Variants in RAP1GAP observed in about 807,000 individuals in gnomAD.
The protein encoded by RAP1GAP is rap1 GTPase-activating protein 1.
RAP1GAP carries 35 observed loss-of-function variants against 87.2 expected under a neutral mutation model. The observed-to-expected ratio is 0.40, with a 90% CI of 0.31 to 0.53. The LOEUF (loss-of-function observed/expected upper bound fraction) is 0.53, where lower values mean the gene tolerates loss of function less well. Ranked by LOEUF, RAP1GAP falls within the 20% of genes least tolerant of loss-of-function variation. The pLI, the probability that RAP1GAP is intolerant of heterozygous loss-of-function variation, is 0.48. For synonymous variants in RAP1GAP, 375 were observed against 363.9 expected, an observed-to-expected ratio of 1.03 and a Z score of -0.35; for missense variants, 734 against 898.9, an observed-to-expected ratio of 0.82 and a Z score of 2.35.
rs2088147022 is a variant in RAP1GAP, at chr1:21,622,019, G to C, written c.-18-1969C>G. 6.6e-6 allele frequency among the ~76,000 whole-genome samples: 1 copy of C among 152,148 alleles called. No homozygotes were observed. Among genetic ancestry groups the C allele is most frequent in the Admixed American group, 6.5e-5 (1 of 15,278 alleles). On this transcript the variant is annotated intron_variant, in intron 3 of 24. Transcript: ENST00000374765. This position sits in a 1 kb window ranked among gnomAD's most constrained non-coding sequence, Gnocchi z 5.7. ...CACATGAAAGCACCACCACAAAGTG[G>C]CCCTGGAGCATTCAGAGCCCCCCAA... is the stretch of plus-strand genomic sequence containing the variant.
chr1:21,626,198 C>T (rs2150254349), intron 3 of RAP1GAP, 106 bp downstream of exon 3: 2 of 1,044,592 alleles, frequency 1.9e-6, no homozygotes, highest in Non-Finnish European at 2.9e-6. Flanking sequence ...TCTGCCTGAA[C>T]ATTTTACCTT....
chr1:21,667,879 C>T (rs1401178140), intron 1 of RAP1GAP, among the ~76,000 whole-genome samples: 1 of 152,202 alleles, frequency 6.6e-6, no homozygotes, highest in Non-Finnish European at 1.5e-5. Context: ...CCCTGGAACC[C>T]TTCCCAAGGC....
chr1:21,648,762 CAGG>C (rs1334375047), intron 2 of RAP1GAP, among the ~76,000 whole-genome samples: 1 of 152,186 alleles, frequency 6.6e-6, no homozygotes, highest in Non-Finnish European at 1.5e-5. Context: ...GGCACAGCAG[CAGG>C]AGATGATGCC....
chr1:21,636,914 A>G (rs867356333), intron 2 of RAP1GAP, among the ~76,000 whole-genome samples: 45 of 102,486 alleles, frequency 4.4e-4, no homozygotes, highest in East Asian at 2.0e-3. Context: ...GGAAGGAAGG[A>G]AGGGAGGGAG....
intron 1 of RAP1GAP, among the ~76,000 whole-genome samples, chr1:21,660,126 A>G (rs1048556439): frequency 1.3e-5 from 2 of 150,958 alleles, no homozygotes; most frequent in African/African-American, 4.9e-5. Flanking sequence ...GAGGAACCCA[A>G]TCTCCCCATC....
In RAP1GAP at chr1:21,669,148, C is replaced by T; in HGVS notation, c.-149+106G>A. ...CCCCCACGCGTTCGCCCCCACCCTCCGTCCCCGCCCGCCCGCGCGGGGTCT... is the reference window on the plus strand; with the variant it reads ...CCCCCACGCGTTCGCCCCCACCCTCTGTCCCCGCCCGCCCGCGCGGGGTCT... On this transcript the variant is annotated intron_variant, in intron 1 of 24. Coordinates refer to ENST00000374765, the MANE Select transcript of RAP1GAP (RefSeq NM_002885.4). This position sits in a 1 kb window ranked among gnomAD's most constrained non-coding sequence, Gnocchi z 5.6. The T allele has an allele frequency of 8.6e-7, 1 of 1,157,546 alleles. No homozygotes were observed. The highest frequency in any genetic ancestry group is 1.1e-6 in the Non-Finnish European group (1 of 920,606). The allele number at this position is 1,157,546 out of a possible 1,614,324, so 71.7% of individuals were successfully genotyped here.
At position 21,603,510 on chromosome 1, in the gene RAP1GAP, G is replaced by A. The variant is rs532220380; in HGVS notation, c.1429-597C>T. ...AGTCAGGGCAGAGGAGAGGGATGGC[G>A]CTCCATGCAGACCGGCGATATTGGG... On this transcript the variant is annotated intron_variant, in intron 18 of 24. Coordinates refer to ENST00000374765, the MANE Select transcript of RAP1GAP (RefSeq NM_002885.4). This position sits in a 1 kb window ranked among gnomAD's most constrained non-coding sequence, Gnocchi z 6.0. The A allele has an allele frequency of 2.3e-5, 14 of 599,936 alleles. No homozygotes were observed. Among genetic ancestry groups the A allele is most frequent in the African/African-American group, 3.7e-5 (2 of 54,066 alleles). 37.2% of individuals were successfully genotyped at this position (599,936 alleles called of 1,614,324 possible). A position where few individuals can be genotyped will look rare whatever the true frequency, so the allele number is the denominator to read the frequency against.
At chr1:21,626,531 A>G (rs1399611733) in intron 2 of RAP1GAP, 134 bp from the exon 3 acceptor site, 32 of 681,714 alleles carry the variant, frequency 4.7e-5, no homozygotes, top group Non-Finnish European at 7.8e-5. Context: ...GGGTTCCCCA[A>G]GAGGAGGGAG....
Position 21,642,332 on chromosome 1 carries a change from G to A in RAP1GAP, c.-113+7429C>T, listed in dbSNP as rs561388892. Among the ~76,000 whole-genome samples the A allele has an allele frequency of 4.2e-4, 64 of 152,350 alleles. No individual in the cohort carries two copies. In the South Asian group the frequency reaches 7.9e-3, roughly 19 times the overall value. ...AGTAACCGCAATAGCTGGCATCGAC[G>A]GAGTACGTGCTCTGTGCCAGGCCCT... On this transcript the variant is annotated intron_variant, in intron 2 of 24. Coordinates refer to ENST00000374765, the MANE Select transcript of RAP1GAP (RefSeq NM_002885.4).
At position 21,603,945 on chromosome 1, in the gene RAP1GAP, G is replaced by C. The variant is rs764930748; in HGVS notation, c.1429-1032C>G. ...GCAGCAGAGGGCGGGGGCAGAGAGAGAGAGACAGAGAGAGAGTCAGAGAGC... is the reference window on the plus strand; with the variant it reads ...GCAGCAGAGGGCGGGGGCAGAGAGACAGAGACAGAGAGAGAGTCAGAGAGC... On this transcript the variant is annotated intron_variant, in intron 18 of 24. Transcript: ENST00000374765. The surrounding 1 kb of genome is among the most constrained non-coding windows in gnomAD (Gnocchi z 6.0). The C allele has an allele frequency of 2.1e-6, 3 of 1,430,146 alleles. No individual in the cohort carries two copies. The highest frequency in any genetic ancestry group is 2.8e-5 in the African/African-American group (2 of 70,458). 88.6% of individuals were successfully genotyped at this position (1,430,146 alleles called of 1,614,324 possible).
intron 18 of RAP1GAP, chr1:21,604,049 C>T (rs3767111): frequency 0.25 from 174,430 of 702,268 alleles, 22,739 homozygotes; most frequent in Admixed American, 0.33. Flanking sequence ...AGGAAGAGAA[C>T]GGTGCAGGAG....
At position 21,643,055 on chromosome 1, in the gene RAP1GAP, C is replaced by A. The variant is rs1307217769; in HGVS notation, c.-113+6706G>T. Among the ~76,000 whole-genome samples, 9 of 152,258 alleles carry A rather than the reference C, an allele frequency of 5.9e-5. No homozygotes were observed. In the South Asian group the frequency reaches 8.3e-4, roughly 14 times the overall value. On this transcript the variant is annotated intron_variant, in intron 2 of 24. Coordinates refer to ENST00000374765, the MANE Select transcript of RAP1GAP (RefSeq NM_002885.4). Reference sequence around the variant, plus strand: ...GTCAGCACATGTCATTCCCATCAAACCACCTCTTTCCTTATGACCCTCTCT... The same window carrying A: ...GTCAGCACATGTCATTCCCATCAAAACACCTCTTTCCTTATGACCCTCTCT...
intron 18 of RAP1GAP, 148 bp downstream of exon 18, chr1:21,605,918 A>G: frequency 9.6e-7 from 1 of 1,045,106 alleles, no homozygotes. Flanking sequence ...CTCCCATGGA[A>G]AGTAGTGGCT....
intron 2 of RAP1GAP, among the ~76,000 whole-genome samples, chr1:21,636,622 C>T (rs527841987): frequency 7.9e-5 from 12 of 151,934 alleles, no homozygotes; most frequent in African/African-American, 2.7e-4. Context: ...GCCTGACCAA[C>T]GTGGAGAAAC....
At chr1:21,620,682 C>T (rs770061110) in intron 3 of RAP1GAP, among the ~76,000 whole-genome samples, 10 of 152,176 alleles carry the variant, frequency 6.6e-5, no homozygotes, top group African/African-American at 1.2e-4. Flanking sequence ...CAACTCCCTG[C>T]GAGCCTTCCT....
rs2078274916 is a variant in RAP1GAP, at chr1:21,611,510, T to C, written c.785A>G (p.Lys262Arg). Reference sequence around the variant, plus strand: ...GGTGGACACGTGAAACATGATCTCCTTGTTGCGGAAGTTGCAGTACACAGA... The same window carrying C: ...GGTGGACACGTGAAACATGATCTCCCTGTTGCGGAAGTTGCAGTACACAGA... ...TESVYCNFRN[K>R]EIMFHVSTKL... Residue 262 changes from lysine to arginine, a missense_variant, in exon 13 of 25, where the codon AAG becomes AGG. Transcript: ENST00000374765. 1 of 1,614,060 alleles carries C rather than the reference T, an allele frequency of 6.2e-7. No individual in the cohort carries two copies. Among genetic ancestry groups the C allele is most frequent in the East Asian group, 2.2e-5 (1 of 44,866 alleles).
At chr1:21,635,521 C>T (rs1006777971) in intron 2 of RAP1GAP, among the ~76,000 whole-genome samples, 1 of 152,226 alleles carries the variant, frequency 6.6e-6, no homozygotes, top group African/African-American at 2.4e-5. Context: ...CCAAAGATAC[C>T]TGCCTGGACT....
At chr1:21,653,551 C>A (rs543171842) in intron 1 of RAP1GAP, among the ~76,000 whole-genome samples, 11 of 105,320 alleles carry the variant, frequency 1.0e-4, no homozygotes, top group African/African-American at 3.5e-4. Flanking sequence ...GAACTTCCTT[C>A]CTTCCTTCCT....
intron 1 of RAP1GAP, among the ~76,000 whole-genome samples, chr1:21,666,516 C>T (rs1190353874): frequency 3.3e-5 from 5 of 152,092 alleles, no homozygotes; most frequent in Non-Finnish European, 7.4e-5. Flanking sequence ...AGAGGGGAGG[C>T]AGGAGAGGAG....
Sources: allele counts gnomAD v4.1 joint callset (sites outside exome capture counted in the v4.1 genomes callset), GRCh38; gene constraint gnomAD v4.1.1; non-coding constraint Gnocchi (gnomAD v3.1); transcripts MANE v1.5; gene names NCBI Gene and HGNC (gene_info 2026-07-23, HGNC 2026-07-21).